Variants in KLHL1 observed in about 807,000 individuals in gnomAD.
KLHL1 encodes kelch-like protein 1.
Under a neutral mutation model 77.7 loss-of-function variants are expected in KLHL1, and 47 were observed. The ratio of observed to expected loss-of-function variants is 0.60; its 90% CI spans 0.48 to 0.77. The LOEUF is 0.77. KLHL1 is among the 30% of genes least tolerant of loss of function. KLHL1 has a pLI of 0.00. For missense variants in KLHL1, 925 were observed against 910.8 expected (o/e 1.02, Z -0.20); for synonymous variants, 360 against 325.2 (o/e 1.11, Z -1.15).
chr13:70,067,772 A>G (rs1887044686), intron 1 of KLHL1, among the ~76,000 whole-genome samples: 1 of 152,172 alleles, frequency 6.6e-6, no homozygotes, highest in Non-Finnish European at 1.5e-5. Flanking sequence ...TAATGAGACC[A>G]GTGAGAGCCA....
chr13:69,953,080 A>C (rs1196957930), intron 3 of KLHL1, among the ~76,000 whole-genome samples: 2 of 151,324 alleles, frequency 1.3e-5, no homozygotes, highest in Non-Finnish European at 3.0e-5. Context: ...TTTGCATGGA[A>C]AGTTCTTGAA....
At chr13:70,058,110 T>C (rs1353702846) in intron 1 of KLHL1, among the ~76,000 whole-genome samples, 7 of 152,166 alleles carry the variant, frequency 4.6e-5, no homozygotes, top group African/African-American at 1.7e-4. Flanking sequence ...GAGCCATATA[T>C]GACAGTCCCA....
At chr13:69,986,003 G>A (rs1884859579) in intron 1 of KLHL1, among the ~76,000 whole-genome samples, 4 of 150,008 alleles carry the variant, frequency 2.7e-5, no homozygotes, top group African/African-American at 4.9e-5. Context: ...CTTTTTTATT[G>A]ATGAATAGTA....
intron 7 of KLHL1, among the ~76,000 whole-genome samples, chr13:69,773,672 C>T (rs1329790229): frequency 6.6e-6 from 1 of 151,922 alleles, no homozygotes; most frequent in African/African-American, 2.4e-5. Flanking sequence ...GTATGGAGCA[C>T]AGAACCTAAA....
At chr13:69,937,923 C>T (rs1204378678) in intron 4 of KLHL1, among the ~76,000 whole-genome samples, 4 of 151,952 alleles carry the variant, frequency 2.6e-5, no homozygotes, top group Non-Finnish European at 5.9e-5. Context: ...GAAAGTGTTC[C>T]TTATGTATTA....
At chr13:69,728,916 AG>A (rs1365285347) in intron 8 of KLHL1, among the ~76,000 whole-genome samples, 2 of 152,116 alleles carry the variant, frequency 1.3e-5, no homozygotes, top group Admixed American at 1.3e-4. Flanking sequence ...CAGATTCTTA[AG>A]GGGGTGGTAC....
At chr13:70,063,964 C>T (rs184192653) in intron 1 of KLHL1, among the ~76,000 whole-genome samples, 4 of 151,936 alleles carry the variant, frequency 2.6e-5, no homozygotes, top group Admixed American at 2.0e-4. Context: ...CAAAATTAAC[C>T]AAAACATCAA....
chr13:69,931,519 C>G (rs375592542), intron 4 of KLHL1, among the ~76,000 whole-genome samples: 46 of 151,722 alleles, frequency 3.0e-4, no homozygotes, highest in Non-Finnish European at 5.8e-4. Flanking sequence ...TCCTTTTCTA[C>G]TTACTATTAT....
At chr13:70,066,453 A>G (rs1887007112) in intron 1 of KLHL1, among the ~76,000 whole-genome samples, 1 of 152,212 alleles carries the variant, frequency 6.6e-6, no homozygotes, top group Non-Finnish European at 1.5e-5. Flanking sequence ...AAAAATTTTG[A>G]TGCGTGATTT....
chr13:69,725,788 C>T (rs551508921), intron 8 of KLHL1, among the ~76,000 whole-genome samples: 2 of 152,230 alleles, frequency 1.3e-5, no homozygotes, highest in Admixed American at 6.5e-5. Context: ...ACAAATACCT[C>T]CCACAGAAAG....
chr13:69,838,980 G>C lies in KLHL1; in HGVS notation c.1410C>G (p.Asn470Lys), dbSNP rs1246219331. The C allele has an allele frequency of 6.2e-7, 1 of 1,600,450 alleles. No homozygotes were observed. Among genetic ancestry groups the C allele is most frequent in the Non-Finnish European group, 8.5e-7 (1 of 1,173,154 alleles). The change falls in exon 6 of 11, where the codon AAC (asparagine) becomes AAG (lysine). Residue 470 changes from asparagine (N) to lysine (K), a missense_variant. Coordinates refer to ENST00000377844, the MANE Select transcript of KLHL1 (RefSeq NM_020866.3). ...TATAAATCCAGAATTAAATACCTTT[G>C]TTGTTATCCATTCCTCCTACAGCAT... ...TLYAVGGMDN[N>K]KGATTIEKYD...
At chr13:69,920,284 C>T (rs1278103392) in intron 4 of KLHL1, among the ~76,000 whole-genome samples, 2 of 151,970 alleles carry the variant, frequency 1.3e-5, no homozygotes, top group South Asian at 2.1e-4. Context: ...TATATGATTA[C>T]TATAATCTTA....
In KLHL1 at chr13:69,844,287, G is replaced by A. The variant is rs747685316; in HGVS notation, c.1228-5125C>T. Among the ~76,000 whole-genome samples the A allele has an allele frequency of 3.5e-4, 53 of 151,400 alleles. 1 individual carries two copies. Among genetic ancestry groups the A allele is most frequent in the Admixed American group, 3.3e-3 (50 of 15,100 alleles). On this transcript the variant is annotated intron_variant, in intron 5 of 10. Coordinates refer to ENST00000377844, the MANE Select transcript of KLHL1 (RefSeq NM_020866.3). ...GAATAAAATAAAATGAAAATAAAAT[G>A]TGTCTTGTATTTAATAAAATGACCA...
chr13:69,780,733 CATATATATATACAT>C (rs1566244054), intron 7 of KLHL1, among the ~76,000 whole-genome samples: 1,501 of 42,074 alleles, frequency 0.036, 56 homozygotes, highest in African/African-American at 0.11. Flanking sequence ...TATATATATA[CATATATATATACAT>C]ATATATATAT....
intron 6 of KLHL1, among the ~76,000 whole-genome samples, chr13:69,819,101 A>G (rs1376369397): frequency 6.6e-6 from 1 of 152,196 alleles, no homozygotes; most frequent in Non-Finnish European, 1.5e-5. Flanking sequence ...TCTTTAAAAG[A>G]TCCTGATAGT....
chr13:70,078,237 C>A (rs1887310250), intron 1 of KLHL1, among the ~76,000 whole-genome samples: 1 of 151,366 alleles, frequency 6.6e-6, no homozygotes, highest in South Asian at 2.1e-4. Context: ...AAGTACCAAC[C>A]AACCACCTTC....
At chr13:69,782,535 G>GTCCTAC (rs1451302387) in intron 7 of KLHL1, among the ~76,000 whole-genome samples, 6 of 152,292 alleles carry the variant, frequency 3.9e-5, no homozygotes, top group African/African-American at 1.2e-4. Flanking sequence ...GGCTTGGAGG[G>GTCCTAC]TCCTACGCCC....
intron 4 of KLHL1, among the ~76,000 whole-genome samples, chr13:69,908,462 A>G (rs549164961): frequency 2.0e-5 from 3 of 150,892 alleles, no homozygotes; most frequent in African/African-American, 7.3e-5. Flanking sequence ...CAAATAGTAA[A>G]TTCTATAAAC....
At chr13:69,956,850 A>C (rs559749972) in intron 3 of KLHL1, among the ~76,000 whole-genome samples, 1 of 151,816 alleles carries the variant, frequency 6.6e-6, no homozygotes, top group Non-Finnish European at 1.5e-5. Context: ...ATTTTCAAAA[A>C]ATATTTTGGT....
Sources: allele counts gnomAD v4.1 joint callset (sites outside exome capture counted in the v4.1 genomes callset), GRCh38; gene constraint gnomAD v4.1.1; transcripts MANE v1.5; gene names NCBI Gene and HGNC (gene_info 2026-07-23, HGNC 2026-07-21).